ZNF611: variants seen among roughly 807,000 people sequenced by gnomAD.
ZNF611 encodes zinc finger protein 611.
ZNF611 carries 6 observed loss-of-function variants against 8.9 expected under a neutral mutation model. The ratio of observed to expected loss-of-function variants is 0.68; its 90% CI spans 0.37 to 1.34. The LOEUF (loss-of-function observed/expected upper bound fraction) is 1.34. Among genes scored for constraint, ZNF611 ranks in the 40% most tolerant of loss-of-function variants. The pLI, the probability that ZNF611 is intolerant of heterozygous loss-of-function variation, is 0.02. For synonymous variants in ZNF611, 262 were observed against 279.7 expected (o/e 0.94, Z 0.63); for missense variants, 874 against 841.3 (o/e 1.04, Z -0.48).
At position 52,704,455 on chromosome 19, in the gene ZNF611, TAA is replaced by T; in HGVS notation, c.*480_*481del. 2.6e-6 allele frequency: 2 copies of T among 764,234 alleles called. No homozygotes were observed. The highest frequency in any genetic ancestry group is 4.7e-6 in the Non-Finnish European group (2 of 429,590). 47.3% of individuals were successfully genotyped at this position (764,234 alleles called of 1,614,324 possible). On this transcript the variant is annotated 3_prime_UTR_variant, in exon 6 of 6. Transcript: ENST00000652185. ...ACACTTGTGAGGTTTCTCTCCTGTA[TAA>T]ATTCTCCTATGTTTTGCATAGGATG...
intron 3 of ZNF611, among the ~76,000 whole-genome samples, chr19:52,719,976 G>A (rs371200015): frequency 2.6e-5 from 4 of 152,282 alleles, no homozygotes; most frequent in African/African-American, 9.6e-5. Flanking sequence ...GACTTTTAAG[G>A]AGCATGCTGC....
chr19:52,728,979 C>A (rs1283454421), intron 2 of ZNF611, 148 bp from the exon 3 acceptor site: 2 of 152,704 alleles, frequency 1.3e-5, no homozygotes, highest in Non-Finnish European at 2.9e-5. Context: ...GAGTAAGATT[C>A]TTTAATAAAT....
chr19:52,705,595 C>T lies in ZNF611; in HGVS notation c.1460G>A (p.Cys487Tyr). The part of the protein sequence containing the change: ...CGEKPYKCNE[C>Y]GKTFGQNSDL... ...TGAATTTTGACCAAAGGTCTTCCCACATTCATTACACTTGTAAGGTTTTTC... is the reference window on the plus strand; with the variant it reads ...TGAATTTTGACCAAAGGTCTTCCCATATTCATTACACTTGTAAGGTTTTTC... The change falls in exon 6 of 6, where the codon TGT becomes TAT. Residue 487 changes from cysteine to tyrosine, a missense_variant. Transcript: ENST00000652185. The T allele has an allele frequency of 6.2e-7, 1 of 1,614,116 alleles. No individual in the cohort carries two copies. The highest frequency in any genetic ancestry group is 8.5e-7 in the Non-Finnish European group (1 of 1,180,002).
In ZNF611 at chr19:52,704,590, C is replaced by T; in HGVS notation, c.*347G>A. 4 of 1,567,656 alleles carry T rather than the reference C, an allele frequency of 2.6e-6. No individual in the cohort carries two copies. The highest frequency in any genetic ancestry group is 2.2e-5 in the East Asian group (1 of 44,642). ...TGAACGATCTCTGAAAAATTTGCCA[C>T]ATTTATTACACTTGTAAGATCTCTC... is the stretch of plus-strand genomic sequence containing the variant. On this transcript the variant is annotated 3_prime_UTR_variant, in exon 6 of 6. Transcript: ENST00000652185.
At chr19:52,716,222 C>G (rs1600317637) in intron 3 of ZNF611, 1 of 256,730 alleles carries the variant, frequency 3.9e-6, no homozygotes, top group African/African-American at 2.2e-5. Context: ...CAGAGGACAG[C>G]CCCTCACCTC....
intron 5 of ZNF611, among the ~76,000 whole-genome samples, chr19:52,713,627 C>G (rs2062294814): frequency 6.6e-6 from 1 of 152,172 alleles, no homozygotes; most frequent in African/African-American, 2.4e-5. Context: ...CATGGTGGCT[C>G]ACGCCTGTAA....
At position 52,706,273 on chromosome 19, in the gene ZNF611, C is replaced by A. The variant is rs143226923; in HGVS notation, c.782G>T (p.Cys261Phe). Residue 261 changes from cysteine (C) to phenylalanine (F), a missense_variant, in exon 6 of 6, where the codon TGT becomes TTT. Physicochemically the swap from Cys to Phe is radical, Grantham distance 205. Transcript: ENST00000652185. ...IPHLGDKQYK[C>F]DVCGKLFNHE... is the part of the protein sequence containing the mutation. ...ATTAAAGAGCTTGCCACATACATCA[C>A]ATTTATATTGTTTGTCTCCTAAATG... 6.2e-7 allele frequency: 1 copy of A among 1,614,164 alleles called. No individual in the cohort carries two copies. The highest frequency in any genetic ancestry group is 1.1e-5 in the South Asian group (1 of 91,076).
chr19:52,725,968 G>T (rs1411102140), intron 3 of ZNF611, among the ~76,000 whole-genome samples: 2 of 152,264 alleles, frequency 1.3e-5, no homozygotes, highest in African/African-American at 4.8e-5. Flanking sequence ...GAGCGGCCAG[G>T]AAGGCTGAGG....
At chr19:52,730,576 A>ATTAT (rs780144137) in intron 1 of ZNF611, among the ~76,000 whole-genome samples, 2 of 151,662 alleles carry the variant, frequency 1.3e-5, no homozygotes, top group Admixed American at 6.6e-5. Context: ...TTTTATTTTT[A>ATTAT]TTATTTATTT....
intron 3 of ZNF611, among the ~76,000 whole-genome samples, chr19:52,716,703 T>C (rs550640283): frequency 1.3e-5 from 2 of 152,240 alleles, no homozygotes; most frequent in South Asian, 2.1e-4. Flanking sequence ...TTCAAAGTCA[T>C]CCCTCTGCTC....
rs2062232522 is a variant in ZNF611 at position 52,705,272 on chromosome 19, T to C, written c.1783A>G (p.Lys595Glu). ...HRVHSGEKPY[K>E]CNECSKTFSR... is the part of the protein sequence containing the mutation. ...AAGGTCTTGCTGCACTCATTACACT[T>C]GTAAGGTTTCTCACCACTATGAACT... The change falls in exon 6 of 6, where the codon AAG becomes GAG. Residue 595 changes from lysine (K) to glutamate (E), a missense_variant. Transcript: ENST00000652185. 1.2e-6 allele frequency: 2 copies of C among 1,614,044 alleles called. No individual in the cohort carries two copies. Among genetic ancestry groups the C allele is most frequent in the South Asian group, 1.1e-5 (1 of 91,068 alleles).
chr19:52,719,668 T>C (rs1359016603), intron 3 of ZNF611, among the ~76,000 whole-genome samples: 1 of 152,252 alleles, frequency 6.6e-6, no homozygotes, highest in Non-Finnish European at 1.5e-5. Flanking sequence ...TACATAGCTC[T>C]TTCTCACCTT....
At chr19:52,711,529 G>A (rs11878847) in intron 5 of ZNF611, among the ~76,000 whole-genome samples, 4,445 of 152,020 alleles carry the variant, frequency 0.029, 207 homozygotes, top group African/African-American at 0.1. Flanking sequence ...AATAGTCAGC[G>A]CAGGCAGGAC....
chr19:52,724,061 C>G (rs954294282), intron 3 of ZNF611: 1 of 152,302 alleles, frequency 6.6e-6, no homozygotes, highest in African/African-American at 2.4e-5. Flanking sequence ...GAGACAGAGG[C>G]CTTCCTCTTA....
chr19:52,709,156 C>T (rs2062263920), intron 5 of ZNF611, among the ~76,000 whole-genome samples: 1 of 152,118 alleles, frequency 6.6e-6, no homozygotes, highest in Admixed American at 6.5e-5. Context: ...ATAGGATGTT[C>T]CTGCAGTTGG....
chr19:52,721,987 T>C (rs114154448), intron 3 of ZNF611, among the ~76,000 whole-genome samples: 2,288 of 152,136 alleles, frequency 0.015, 21 homozygotes, highest in Middle Eastern at 0.024. Flanking sequence ...AAGGCAGAGA[T>C]ACTCATTAGC....
In ZNF611 at chr19:52,704,833, C is replaced by T. The variant is rs1410510400; in HGVS notation, c.*104G>A. On this transcript the variant is annotated 3_prime_UTR_variant, in exon 6 of 6. Coordinates refer to ENST00000652185, the MANE Select transcript of ZNF611 (RefSeq NM_001161499.2). ...TTCCAGGTGTGAATCACTCCCAAGT[C>T]TTGTCAGAAACCTTACATTTGTAAG... is the stretch of plus-strand genomic sequence containing the variant. 8 of 1,605,360 alleles carry T rather than the reference C, an allele frequency of 5.0e-6. No homozygotes were observed. The Admixed American group carries it at 8.4e-5, about 17-fold the overall frequency.
intron 4 of ZNF611, 74 bp from the exon 5 acceptor site, chr19:52,714,215 A>G (rs2062299856): frequency 6.3e-7 from 1 of 1,577,814 alleles, no homozygotes; most frequent in Non-Finnish European, 8.6e-7. Context: ...ATGAGAAATG[A>G]GAAAATAAGT....
At chr19:52,717,037 A>G (rs1568604687) in intron 3 of ZNF611, among the ~76,000 whole-genome samples, 2 of 152,208 alleles carry the variant, frequency 1.3e-5, no homozygotes, top group South Asian at 2.1e-4. Flanking sequence ...CATCTCAAAA[A>G]AAAAAAAGGA....
Sources: allele counts gnomAD v4.1 joint callset (sites outside exome capture counted in the v4.1 genomes callset), GRCh38; gene constraint gnomAD v4.1.1; transcripts MANE v1.5; gene names NCBI Gene and HGNC (gene_info 2026-07-23, HGNC 2026-07-21).